The following C1orf21 variants were observed in gnomAD, a reference collection of about 807,000 sequenced individuals.
C1orf21 encodes uncharacterized protein C1orf21.
Under a neutral mutation model 18.7 loss-of-function variants are expected in C1orf21, and 3 were observed. The ratio of observed to expected loss-of-function variants is 0.16; its 90% confidence interval spans 0.07 to 0.42. The LOEUF (loss-of-function observed/expected upper bound fraction) is 0.42, where lower values mean the gene tolerates loss of function less well. Ranked by LOEUF, C1orf21 falls within the 10% of genes least tolerant of loss-of-function variation. The probability of loss-of-function intolerance (pLI) is 0.99; values close to 1 mark genes in which losing one functional copy is unlikely to be tolerated. For missense variants in C1orf21, 104 were observed against 143.6 expected (o/e 0.72, Z 1.41); for synonymous variants, 41 against 46.4 (o/e 0.88, Z 0.47).
At chr1:184,591,664 G>A (rs1401725908) in intron 4 of C1orf21, among the ~76,000 whole-genome samples, 1 of 152,064 alleles carries the variant, frequency 6.6e-6, no homozygotes, top group Non-Finnish European at 1.5e-5. Context: ...AACTTAGCCG[G>A]GCATGGTGGC....
chr1:184,392,012 A>C (rs796523227), intron 1 of C1orf21, among the ~76,000 whole-genome samples: 2 of 152,198 alleles, frequency 1.3e-5, no homozygotes, highest in African/African-American at 2.4e-5. Context: ...CCGGCCCCCA[A>C]ATTACAAGAA....
At chr1:184,613,399 G>C (rs1659769886) in intron 5 of C1orf21, among the ~76,000 whole-genome samples, 1 of 152,228 alleles carries the variant, frequency 6.6e-6, no homozygotes, top group Admixed American at 6.5e-5. Context: ...ATAATGGACA[G>C]TGGGATTCTA....
chr1:184,433,378 A>G (rs1656800211), intron 1 of C1orf21, among the ~76,000 whole-genome samples: 1 of 152,176 alleles, frequency 6.6e-6, no homozygotes, highest in South Asian at 2.1e-4. Flanking sequence ...CATGTCATGC[A>G]TTCATAGTGT....
chr1:184,616,938 T>C (rs1313628580), intron 5 of C1orf21, among the ~76,000 whole-genome samples: 1 of 152,132 alleles, frequency 6.6e-6, no homozygotes, highest in Non-Finnish European at 1.5e-5. Context: ...AAGGCTGAGG[T>C]GGGAGGAAGA....
In C1orf21 at chr1:184,410,617, TTA is replaced by T. The variant is rs1162356586; in HGVS notation, c.-125+23295_-125+23296del. Among the ~76,000 whole-genome samples the T allele has an allele frequency of 4.7e-3, 100 of 21,160 alleles. 6 individuals are homozygous for T. The highest frequency in any genetic ancestry group is 5.9e-3 in the Non-Finnish European group (86 of 14,554). The allele number at this position is 21,160 out of a possible 152,430, so 13.9% of individuals were successfully genotyped here. On this transcript the variant is annotated intron_variant, in intron 1 of 5. Coordinates refer to ENST00000235307, the MANE Select transcript of C1orf21 (RefSeq NM_030806.4). Reference sequence around the variant, plus strand: ...GTGAAAGATTAATTTGCCATATATATTATATATATATATATATATATATATAT... The same window carrying T: ...GTGAAAGATTAATTTGCCATATATATTATATATATATATATATATATATAT...
At chr1:184,460,712 C>CTTTTTT (rs1657295387) in intron 1 of C1orf21, among the ~76,000 whole-genome samples, 2 of 104,702 alleles carry the variant, frequency 1.9e-5, no homozygotes, top group Non-Finnish European at 4.0e-5. Context: ...TTCTCTTCTT[C>CTTTTTT]CTTTTTTTTT....
chr1:184,478,317 C>T (rs921185219), intron 2 of C1orf21, among the ~76,000 whole-genome samples: 1 of 151,980 alleles, frequency 6.6e-6, no homozygotes, highest in Non-Finnish European at 1.5e-5. Context: ...TTTAACCTCT[C>T]TCTGTTGAAT....
At chr1:184,403,847 T>C (rs893963546) in intron 1 of C1orf21, among the ~76,000 whole-genome samples, 3 of 152,186 alleles carry the variant, frequency 2.0e-5, no homozygotes, top group African/African-American at 7.2e-5. Context: ...TATTGTGTAT[T>C]ATACACACAT....
In C1orf21 at chr1:184,622,511, G is replaced by A. The variant is rs1571307460; in HGVS notation, c.*2955G>A. 6.5e-6 allele frequency: 1 copy of A among 152,692 alleles called. No individual in the cohort carries two copies. Among genetic ancestry groups the A allele is most frequent in the African/African-American group, 2.4e-5 (1 of 41,450 alleles). The allele number at this position is 152,692 out of a possible 1,614,324, so 9.5% of individuals were successfully genotyped here. A position where few individuals can be genotyped will look rare whatever the true frequency, so the allele number is the denominator to read the frequency against. ...GAGTACTGCTCTCATAATTGAAGAC[G>A]TGTTTGTTATTGGCAGAGAACCTTA... On this transcript the variant is annotated 3_prime_UTR_variant, in exon 6 of 6. Coordinates refer to ENST00000235307, the MANE Select transcript of C1orf21 (RefSeq NM_030806.4).
At chr1:184,505,340 TACAC>T (rs1553253570) in intron 2 of C1orf21, among the ~76,000 whole-genome samples, 64 of 118,592 alleles carry the variant, frequency 5.4e-4, no homozygotes, top group South Asian at 4.2e-3. Flanking sequence ...TATATATATA[TACAC>T]ACATGCCATA....
chr1:184,460,713 C>CTTTTT (rs11393803), intron 1 of C1orf21, among the ~76,000 whole-genome samples: 3,647 of 90,672 alleles, frequency 0.04, 310 homozygotes, highest in Non-Finnish European at 0.054. Flanking sequence ...TCTCTTCTTC[C>CTTTTT]TTTTTTTTTT....
chr1:184,404,897 GATTTCT>G lies in C1orf21; in HGVS notation c.-125+17534_-125+17539del, dbSNP rs1300248714. 2.0e-5 allele frequency among the ~76,000 whole-genome samples: 3 copies of G among 152,104 alleles called. No individual in the cohort carries two copies. The East Asian group carries it at 5.8e-4, about 29-fold the overall frequency. On this transcript the variant is annotated intron_variant, in intron 1 of 5. Transcript: ENST00000235307. ...GACTGGGCAGAGAGAGACCTGCTTG[GATTTCT>G]ATTTGTTTGTTTTCTGATCTGAAGC...
chr1:184,539,987 C>A (rs528557158), intron 3 of C1orf21: 8 of 152,276 alleles, frequency 5.3e-5, no homozygotes, highest in African/African-American at 1.9e-4. Context: ...CATGTACCCA[C>A]GAGTGAGAAA....
rs1184670910 is a variant in C1orf21 at position 184,626,024 on chromosome 1, T to C, written c.*6468T>C. 6.6e-6 allele frequency: 1 copy of C among 152,128 alleles called. No homozygotes were observed. Among genetic ancestry groups the C allele is most frequent in the Non-Finnish European group, 1.5e-5 (1 of 68,032 alleles). The allele number at this position is 152,128 out of a possible 1,614,324, so 9.4% of individuals were successfully genotyped here. On this transcript the variant is annotated 3_prime_UTR_variant, in exon 6 of 6. Coordinates refer to ENST00000235307, the MANE Select transcript of C1orf21 (RefSeq NM_030806.4). ...GATGCTCTAACCCCAGTGTGTGGAG[T>C]TGGGGTCCCTTCATCTAGGTTGACC...
chr1:184,421,851 A>C (rs1557968132), intron 1 of C1orf21, among the ~76,000 whole-genome samples: 1 of 151,898 alleles, frequency 6.6e-6, no homozygotes, highest in Non-Finnish European at 1.5e-5. Flanking sequence ...TTAGTATAAC[A>C]AATATCTCAG....
At chr1:184,615,244 G>A (rs988483234) in intron 5 of C1orf21, among the ~76,000 whole-genome samples, 1 of 152,140 alleles carries the variant, frequency 6.6e-6, no homozygotes, top group African/African-American at 2.4e-5. Context: ...TGAAGAAGAC[G>A]TGGAAGCCTC....
Position 184,597,534 on chromosome 1 carries a change from A to G in C1orf21, c.267-867A>G, listed in dbSNP as rs1028178003. 7.2e-5 allele frequency among the ~76,000 whole-genome samples: 11 copies of G among 152,108 alleles called. No homozygotes were observed. The South Asian group carries it at 1.5e-3, about 20-fold the overall frequency. ...GCCCCCTCCTTCAGACAGGACAACCAGTAGGCACTGATAGTAACTAAAGGA... is the reference window on the plus strand; with the variant it reads ...GCCCCCTCCTTCAGACAGGACAACCGGTAGGCACTGATAGTAACTAAAGGA... On this transcript the variant is annotated intron_variant, in intron 4 of 5. Transcript: ENST00000235307.
At chr1:184,476,680 A>G (rs1018927697) in intron 1 of C1orf21, among the ~76,000 whole-genome samples, 1 of 152,184 alleles carries the variant, frequency 6.6e-6, no homozygotes, top group Non-Finnish European at 1.5e-5. Context: ...AAGCTTGACA[A>G]CTGCTTTGTT....
chr1:184,497,458 G>A (rs1457345612), intron 2 of C1orf21, among the ~76,000 whole-genome samples: 1 of 152,212 alleles, frequency 6.6e-6, no homozygotes, highest in Non-Finnish European at 1.5e-5. Flanking sequence ...GGGATTGCCT[G>A]CTGCCTCCCC....
Sources: gnomAD v4.1 joint callset for allele counts (sites outside exome capture counted in the v4.1 genomes callset) on GRCh38, gnomAD v4.1.1 for gene constraint, MANE v1.5 for transcripts, NCBI Gene and HGNC (gene_info 2026-07-23, HGNC 2026-07-21) for gene names.